TDRKH: variants seen among roughly 807,000 people sequenced by gnomAD.
TDRKH encodes the protein tudor and KH domain-containing protein.
A neutral mutation model predicts 61.3 loss-of-function variants in TDRKH; 28 were observed. That is an observed-to-expected ratio of 0.46 (90% CI 0.34 to 0.63). TDRKH has a LOEUF of 0.63. TDRKH is among the 20% of genes least tolerant of loss of function. The pLI, the probability that TDRKH is intolerant of heterozygous loss-of-function variation, is 0.01. For synonymous variants in TDRKH, 219 were observed against 244.4 expected (o/e 0.90, Z 0.97); for missense variants, 540 against 683.4 (o/e 0.79, Z 2.34).
chr1:151,769,530 G>A, downstream of TDRKH: 1 of 189,328 alleles, frequency 5.3e-6, no homozygotes, highest in Non-Finnish European at 1.1e-5. Flanking sequence ...CCGGGTAGAG[G>A]CGCTCCCCAC....
chr1:151,775,561 G>A lies in TDRKH; in HGVS notation c.1283-18C>T, dbSNP rs533591456. ...CTGGTCACCTGGCAAAAGATTGTAG[G>A]GGTTACTGCTGATAGGGGTGGGGCT... On this transcript the variant is annotated intron_variant, in intron 9 of 12. Coordinates refer to ENST00000368824, the MANE Select transcript of TDRKH (RefSeq NM_001083965.2). 2.0e-4 allele frequency: 317 copies of A among 1,609,704 alleles called. 1 individual carries two copies. In the South Asian group the frequency reaches 3.4e-3, roughly 17 times the overall value.
intron 10 of TDRKH, 51 bp from the exon 11 acceptor site, chr1:151,775,217 A>T: frequency 6.2e-7 from 1 of 1,600,102 alleles, no homozygotes; most frequent in Non-Finnish European, 8.6e-7. Context: ...AGCAAGGGCA[A>T]ATTTGAGGAA....
rs371362097 is a variant in TDRKH, at chr1:151,784,526, T to C, written c.-27-1477A>G. ...TTCTCAGTTTTCATCTTACCAGATG[T>C]CCCCACAGTATTTGGCACAGCTGAT... On this transcript the variant is annotated intron_variant, in intron 1 of 12. Coordinates refer to ENST00000368824, the MANE Select transcript of TDRKH (RefSeq NM_001083965.2). Among the ~76,000 whole-genome samples the C allele has an allele frequency of 7.2e-5, 11 of 152,072 alleles. No homozygotes were observed. In the East Asian group the frequency reaches 2.1e-3, roughly 29 times the overall value.
At chr1:151,770,206 A>G (rs373450532), downstream of TDRKH, 2 of 1,613,788 alleles carry the variant, frequency 1.2e-6, no homozygotes, top group Non-Finnish European at 1.7e-6. Flanking sequence ...GGAAGAGAAG[A>G]CAAATGTGGA....
chr1:151,782,777 C>T, intron 2 of TDRKH, 122 bp downstream of exon 2: 3 of 1,343,144 alleles, frequency 2.2e-6, no homozygotes, highest in South Asian at 1.7e-5. Flanking sequence ...CTCAAAAAAA[C>T]CCCACAAAAA....
Position 151,776,270 on chromosome 1 carries a change from T to C in TDRKH, c.1045-2A>G. ...TACATGCACAGTCAAGTCTTCAGGC[T>C]GTATGTGGGGAGGAGGAGAAAGGCA... On this transcript the variant is annotated splice_acceptor_variant, in intron 7 of 12. Transcript: ENST00000368824. LOFTEE classifies it high-confidence loss of function. 6.2e-7 allele frequency: 1 copy of C among 1,613,186 alleles called. No homozygotes were observed. The highest frequency in any genetic ancestry group is 8.5e-7 in the Non-Finnish European group (1 of 1,179,432).
At chr1:151,770,478 C>G (rs772328076), downstream of TDRKH, 3 of 553,386 alleles carry the variant, frequency 5.4e-6, no homozygotes, top group Non-Finnish European at 9.1e-6. Flanking sequence ...AGGGGCCAGA[C>G]TGAAGGAGCA....
rs534133522 is a variant in TDRKH at position 151,780,153 on chromosome 1, G to T, written c.232-13C>A. On this transcript the variant is annotated splice_polypyrimidine_tract_variant and intron_variant, in intron 3 of 12. Transcript: ENST00000368824. ...TCTGTTTCCGCAGCTGCAAAGAAAAGGACATTTGGCAGTACATTCTGGAAG... is the reference window on the plus strand; with the variant it reads ...TCTGTTTCCGCAGCTGCAAAGAAAATGACATTTGGCAGTACATTCTGGAAG... 6.2e-7 allele frequency: 1 copy of T among 1,605,760 alleles called. No homozygotes were observed.
Position 151,778,787 on chromosome 1 carries a change from T to C in TDRKH, c.781A>G (p.Met261Val), listed in dbSNP as rs373525317. 43 of 1,614,134 alleles carry C rather than the reference T, an allele frequency of 2.7e-5. No individual in the cohort carries two copies. The highest frequency in any genetic ancestry group is 6.7e-5 in the Admixed American group (4 of 60,004). ...VTPPPKGGGD[M>V]AVVVSKEGSW... ...CCTTCCTTTGACACTACCACAGCCA[T>C]GTCGCCTCCTCCTTTGGGTGGAGGA... Residue 261 changes from methionine (M) to valine (V), a missense_variant, in exon 6 of 13, where the codon ATG (methionine) becomes GTG (valine). By Grantham distance (21) the Met-to-Val change is conservative. Transcript: ENST00000368824.
chr1:151,781,729 A>C (rs192725470), intron 2 of TDRKH, 142 bp from the exon 3 acceptor site: 2 of 688,510 alleles, frequency 2.9e-6, no homozygotes, highest in African/African-American at 3.6e-5. Context: ...AACAAGGAAA[A>C]GTGGCATCTG....
intron 1 of TDRKH, among the ~76,000 whole-genome samples, chr1:151,785,755 C>A (rs183464005): frequency 6.6e-6 from 1 of 152,202 alleles, no homozygotes; most frequent in African/African-American, 2.4e-5. Context: ...GTAACAGCAC[C>A]TGTATTTTTA....
intron 1 of TDRKH, among the ~76,000 whole-genome samples, chr1:151,788,029 T>C: frequency 6.6e-6 from 1 of 151,502 alleles, no homozygotes; most frequent in Non-Finnish European, 1.5e-5. Flanking sequence ...TGTGTGTAGG[T>C]TATATACAAA....
Position 151,780,159 on chromosome 1 carries a change from T to C in TDRKH, c.232-19A>G. 7 of 1,602,586 alleles carry C rather than the reference T, an allele frequency of 4.4e-6. No individual in the cohort carries two copies. Among genetic ancestry groups the C allele is most frequent in the Non-Finnish European group, 6.0e-6 (7 of 1,170,598 alleles). ...TCCGCAGCTGCAAAGAAAAGGACAT[T>C]TGGCAGTACATTCTGGAAGAGCTCC... On this transcript the variant is annotated intron_variant, in intron 3 of 12. Transcript: ENST00000368824.
chr1:151,786,994 T>A (rs1418875488), intron 1 of TDRKH, among the ~76,000 whole-genome samples: 1 of 152,232 alleles, frequency 6.6e-6, no homozygotes, highest in East Asian at 1.9e-4. Context: ...TCTCTTTTTT[T>A]AAATACACTG....
At chr1:151,768,711 C>G (rs1648464095), downstream of TDRKH, among the ~76,000 whole-genome samples, 1 of 152,112 alleles carries the variant, frequency 6.6e-6, no homozygotes, top group Admixed American at 6.5e-5. Flanking sequence ...GTGTTTCTCA[C>G]AGAGGGGGAT....
rs768291468 is a variant in TDRKH, at chr1:151,782,880, A to T, written c.124+19T>A. 2 of 1,547,142 alleles carry T rather than the reference A, an allele frequency of 1.3e-6. No individual in the cohort carries two copies. The highest frequency in any genetic ancestry group is 2.5e-5 in the South Asian group (2 of 80,828). ...CATGTCTGAACATTTTCACACACAC[A>T]GTCATAGGGTTCACGTACCTCTGCT... On this transcript the variant is annotated intron_variant, in intron 2 of 12. Transcript: ENST00000368824.
At position 151,775,514 on chromosome 1, in the gene TDRKH, C is replaced by T; in HGVS notation, c.1312G>A (p.Glu438Lys). 1 of 1,613,574 alleles carries T rather than the reference C, an allele frequency of 6.2e-7. No individual in the cohort carries two copies. Among genetic ancestry groups the T allele is most frequent in the Admixed American group, 1.7e-5 (1 of 59,868 alleles). The stretch of plus-strand genomic sequence containing the variant: ...GCACAATGAGTGAGTCTATCAAACT[C>T]ATCCAAAGCTTCCTCTTCCCACTGG... ...GDQWEEEALD[E>K]FDRLTHCADW... is the part of the protein sequence containing the mutation. Residue 438 changes from glutamate to lysine, a missense_variant, in exon 10 of 13, where the codon GAG becomes AAG. Around this residue, in one of 3 missense-constraint regions of TDRKH, gnomAD observed 379 missense variants for 443.8 expected, o/e 0.85. Coordinates refer to ENST00000368824, the MANE Select transcript of TDRKH (RefSeq NM_001083965.2).
chr1:151,771,208 G>A (rs986912871), downstream of TDRKH: 4 of 1,613,374 alleles, frequency 2.5e-6, no homozygotes, highest in South Asian at 2.2e-5. Flanking sequence ...CCTGCCCAGT[G>A]AGCCTCCTTG....
At position 151,779,221 on chromosome 1, in the gene TDRKH, C is replaced by T. The variant is rs764276826; in HGVS notation, c.443G>A (p.Arg148His). 5.6e-6 allele frequency: 9 copies of T among 1,613,978 alleles called. No individual in the cohort carries two copies. The highest frequency in any genetic ancestry group is 1.3e-5 in the African/African-American group (1 of 74,894). Residue 148 changes from arginine to histidine, a missense_variant, in exon 5 of 13, where the codon CGT becomes CAT. Around this residue, in one of 3 missense-constraint regions of TDRKH, gnomAD observed 156 missense variants for 218.0 expected, o/e 0.72. Coordinates refer to ENST00000368824, the MANE Select transcript of TDRKH (RefSeq NM_001083965.2). ...GGCTCCAGATGCCTTACAGATAGAA[C>T]GAATTGTCTCGCCGCCTCTCCCTAC... is the stretch of plus-strand genomic sequence containing the variant. ...RIIGRGGETI[R>H]SICKASGAKI...
Sources: gnomAD v4.1 joint callset for allele counts (sites outside exome capture counted in the v4.1 genomes callset) on GRCh38, gnomAD v4.1.1 for gene constraint, gnomAD v4.1.1 regional missense constraint, MANE v1.5 for transcripts, NCBI Gene and HGNC (gene_info 2026-07-23, HGNC 2026-07-21) for gene names.